Variants in XRCC4 observed in about 807,000 individuals in gnomAD.
The protein encoded by XRCC4 is X-ray repair cross complementing 4.
In XRCC4, 28 loss-of-function variants were observed where a neutral mutation model predicts 39.1. The ratio of observed to expected loss-of-function variants is 0.72; its 90% confidence interval spans 0.53 to 0.98. The LOEUF (loss-of-function observed/expected upper bound fraction) is 0.98. XRCC4 is among the 50% of genes least tolerant of loss of function. The probability of loss-of-function intolerance (pLI) is 0.00; values close to 1 mark genes in which losing one functional copy is unlikely to be tolerated. For synonymous variants in XRCC4, 123 were observed against 126.4 expected (o/e 0.97, Z 0.18); for missense variants, 350 against 376.4 (o/e 0.93, Z 0.58).
At chr5:83,241,779 T>C (rs1752918460) in intron 6 of XRCC4, among the ~76,000 whole-genome samples, 1 of 152,204 alleles carries the variant, frequency 6.6e-6, no homozygotes, top group Admixed American at 6.5e-5. Flanking sequence ...TTTTATGTAC[T>C]ATATACTATT....
rs1326359694 is a variant in XRCC4, at chr5:83,111,033, G to A, written c.145G>A (p.Glu49Lys). 6.2e-7 allele frequency: 1 copy of A among 1,604,636 alleles called. No individual in the cohort carries two copies. The highest frequency in any genetic ancestry group is 8.5e-7 in the Non-Finnish European group (1 of 1,177,316). ...TTTGTTAATATTTCCCATAGTTTCT[G>A]AATCAGAGATTTCCCAAGAAGCTGA... ...GHSAWTGTVS[E>K]SEISQEADDM... is the part of the protein sequence containing the mutation. Residue 49 changes from glutamate (E) to lysine (K), a missense_variant, in exon 3 of 8, where the codon GAA becomes AAA. Coordinates refer to ENST00000396027, the MANE Select transcript of XRCC4 (RefSeq NM_003401.5).
chr5:83,267,576 C>T (rs1753999504), intron 7 of XRCC4, among the ~76,000 whole-genome samples: 2 of 152,088 alleles, frequency 1.3e-5, no homozygotes, highest in South Asian at 2.1e-4. Context: ...AGCCATTTAA[C>T]ATTTAAGGAA....
At position 83,203,693 on chromosome 5, in the gene XRCC4, C is replaced by T. The variant is rs746505673; in HGVS notation, c.624C>T (p.Asp208=). 1.2e-5 allele frequency: 19 copies of T among 1,607,712 alleles called. No individual in the cohort carries two copies. Among genetic ancestry groups the T allele is most frequent in the East Asian group, 2.2e-5 (1 of 44,502 alleles). Residue 208 remains aspartate, a synonymous_variant, in exon 5 of 8, where the codon GAC becomes GAT. Coordinates refer to ENST00000396027, the MANE Select transcript of XRCC4 (RefSeq NM_003401.5). ...ATGCAGCTCAAGAACGAGAAAAGGA[C>T]ATCAAACAAGAAGGGTATTTTCGCT... ...LLNAAQEREK[D]IKQEGETAIC...
chr5:83,159,764 G>T (rs1285992934), intron 3 of XRCC4, among the ~76,000 whole-genome samples: 1 of 152,060 alleles, frequency 6.6e-6, no homozygotes, highest in Non-Finnish European at 1.5e-5. Context: ...CATTGTTGGT[G>T]GCAAAATTTA....
At chr5:83,102,201 G>A (rs141714958) in intron 1 of XRCC4, among the ~76,000 whole-genome samples, 29 of 152,236 alleles carry the variant, frequency 1.9e-4, no homozygotes, top group African/African-American at 7.0e-4. Flanking sequence ...GGGACTCAGT[G>A]AACTATGCTT....
chr5:83,240,639 A>G (rs1392809585), intron 6 of XRCC4, among the ~76,000 whole-genome samples: 1 of 152,140 alleles, frequency 6.6e-6, no homozygotes, highest in Non-Finnish European at 1.5e-5. Flanking sequence ...ATGTCCAGGA[A>G]ACACTTGGAA....
intron 6 of XRCC4, among the ~76,000 whole-genome samples, chr5:83,254,674 G>C (rs73136354): frequency 0.049 from 7,507 of 152,208 alleles, 595 homozygotes; most frequent in African/African-American, 0.17. Context: ...GAGACCGACA[G>C]TCATTGTTCA....
At chr5:83,140,569 G>A (rs1190052967) in intron 3 of XRCC4, among the ~76,000 whole-genome samples, 1 of 152,102 alleles carries the variant, frequency 6.6e-6, no homozygotes, top group Non-Finnish European at 1.5e-5. Flanking sequence ...CAGCTATCTA[G>A]GCATTCTTCA....
At chr5:83,229,307 G>C (rs1308028916) in intron 6 of XRCC4, among the ~76,000 whole-genome samples, 1 of 151,994 alleles carries the variant, frequency 6.6e-6, no homozygotes, top group African/African-American at 2.4e-5. Context: ...CAGGTATTAT[G>C]ATGACTGCAA....
chr5:83,287,481 A>G (rs1754775543), intron 7 of XRCC4, among the ~76,000 whole-genome samples: 1 of 152,176 alleles, frequency 6.6e-6, no homozygotes, highest in African/African-American at 2.4e-5. Context: ...AAAACTTACT[A>G]TTTTATAATT....
In XRCC4 at chr5:83,183,852, C is replaced by T. The variant is rs894122112; in HGVS notation, c.316-11918C>T. On this transcript the variant is annotated intron_variant, in intron 3 of 7. Coordinates refer to ENST00000396027, the MANE Select transcript of XRCC4 (RefSeq NM_003401.5). Reference sequence around the variant, plus strand: ...ATTAAAAATAGATGTTAAAAAGATGCTAATAGATGTTAACTATCTTATGGG... The same window carrying T: ...ATTAAAAATAGATGTTAAAAAGATGTTAATAGATGTTAACTATCTTATGGG... Among the ~76,000 whole-genome samples, 9 of 152,164 alleles carry T rather than the reference C, an allele frequency of 5.9e-5. 1 individual carries two copies. Among genetic ancestry groups the T allele is most frequent in the Admixed American group, 5.9e-4 (9 of 15,282 alleles).
intron 7 of XRCC4, among the ~76,000 whole-genome samples, chr5:83,289,560 A>G (rs566252160): frequency 1.3e-5 from 2 of 151,866 alleles, no homozygotes; most frequent in Admixed American, 1.3e-4. Context: ...AGCTCTTTCA[A>G]CTGCAGTCCA....
At chr5:83,212,598 C>T (rs528454307) in intron 6 of XRCC4, among the ~76,000 whole-genome samples, 4 of 152,186 alleles carry the variant, frequency 2.6e-5, no homozygotes, top group African/African-American at 9.6e-5. Flanking sequence ...TTAGTCTAAA[C>T]ATCCAAGCAA....
At chr5:83,368,853 G>A in the XRCC4 span, among the ~76,000 whole-genome samples, 1 of 152,284 alleles carries the variant, frequency 6.6e-6, no homozygotes, top group South Asian at 2.1e-4. Context: ...CTGTGTTAGT[G>A]TATAAGACAT....
At chr5:83,147,794 CTTT>C (rs113614465) in intron 3 of XRCC4, among the ~76,000 whole-genome samples, 15 of 143,324 alleles carry the variant, frequency 1.0e-4, no homozygotes, top group Non-Finnish European at 7.6e-5. Flanking sequence ...TATTTCTTTT[CTTT>C]TTTTTTTTTT....
chr5:83,321,936 T>G (rs28360313), intron 7 of XRCC4, among the ~76,000 whole-genome samples: 2 of 150,982 alleles, frequency 1.3e-5, no homozygotes, highest in Admixed American at 1.3e-4. Context: ...TCTGAGAGAT[T>G]CAGTTGATTT....
chr5:83,288,695 G>C (rs555825734), intron 7 of XRCC4, among the ~76,000 whole-genome samples: 8 of 151,576 alleles, frequency 5.3e-5, no homozygotes, highest in Middle Eastern at 3.4e-3. Context: ...TTACCCTCTG[G>C]CTTCTTTCAA....
intron 7 of XRCC4, among the ~76,000 whole-genome samples, chr5:83,326,071 T>C (rs79880469): frequency 2.0e-5 from 3 of 152,158 alleles, no homozygotes; most frequent in Non-Finnish European, 4.4e-5. Flanking sequence ...TATCTGCTCA[T>C]GTCCTTTGCC....
chr5:83,168,225 G>A lies in XRCC4; in HGVS notation c.316-27545G>A, dbSNP rs143944089. On this transcript the variant is annotated intron_variant, in intron 3 of 7. Coordinates refer to ENST00000396027, the MANE Select transcript of XRCC4 (RefSeq NM_003401.5). ...AAAAATAACATACCAGACAAATACC[G>A]ATCAAAATATAAGTAAGATAATTTT... Among the ~76,000 whole-genome samples, 127 of 152,066 alleles carry A rather than the reference G, an allele frequency of 8.4e-4. 1 individual carries two copies. The Middle Eastern group carries it at 0.01, about 12-fold the overall frequency.
Sources: gnomAD v4.1 joint callset for allele counts (sites outside exome capture counted in the v4.1 genomes callset) on GRCh38, gnomAD v4.1.1 for gene constraint, MANE v1.5 for transcripts, NCBI Gene and HGNC (gene_info 2026-07-23, HGNC 2026-07-21) for gene names.